The following AKAP19 variants were observed in gnomAD, a reference collection of about 807,000 sequenced individuals.
The protein encoded by AKAP19 is small A-kinase anchoring protein.
chr2:190,078,235 A>G, the AKAP19 span, among the ~76,000 whole-genome samples: 40 of 152,308 alleles, frequency 2.6e-4, no homozygotes, highest in African/African-American at 9.4e-4. Context: ...CCTCTAGGAC[A>G]GTTCTGTGCA....
At chr2:189,962,136 A>G in the AKAP19 span, among the ~76,000 whole-genome samples, 6 of 152,174 alleles carry the variant, frequency 3.9e-5, no homozygotes, top group Admixed American at 1.3e-4. Context: ...ATTATAATAC[A>G]TATTTTTACA....
At chr2:190,040,885 T>C in the AKAP19 span, among the ~76,000 whole-genome samples, 14 of 152,340 alleles carry the variant, frequency 9.2e-5, no homozygotes, top group African/African-American at 3.4e-4. Context: ...TCTATGCGTC[T>C]GTCTTTGAAC....
At chr2:190,143,579 T>G in the AKAP19 span, among the ~76,000 whole-genome samples, 2 of 152,238 alleles carry the variant, frequency 1.3e-5, no homozygotes, top group Non-Finnish European at 2.9e-5. Flanking sequence ...CTATCCATAT[T>G]ATTGTGTTCT....
the AKAP19 span, among the ~76,000 whole-genome samples, chr2:190,072,246 G>A: frequency 6.6e-6 from 1 of 151,994 alleles, no homozygotes; most frequent in African/African-American, 2.4e-5. Flanking sequence ...AATAGACACT[G>A]GGGAGCACTG....
the AKAP19 span, among the ~76,000 whole-genome samples, chr2:189,919,991 C>T: frequency 3.9e-5 from 6 of 152,174 alleles, no homozygotes; most frequent in Admixed American, 2.0e-4. Context: ...AATTTCACTA[C>T]ACCTACAATA....
chr2:190,071,876 A>G, the AKAP19 span, among the ~76,000 whole-genome samples: 1 of 152,176 alleles, frequency 6.6e-6, no homozygotes, highest in Admixed American at 6.5e-5. Flanking sequence ...TGGAGTCATG[A>G]TATTAGTCAC....
chr2:190,101,551 C>T, the AKAP19 span, among the ~76,000 whole-genome samples: 1 of 152,084 alleles, frequency 6.6e-6, no homozygotes, highest in Non-Finnish European at 1.5e-5. Context: ...TATGCTCAGG[C>T]AGATCACCAG....
the AKAP19 span, among the ~76,000 whole-genome samples, chr2:190,161,174 G>A: frequency 1.2e-4 from 18 of 152,158 alleles, no homozygotes; most frequent in South Asian, 2.7e-3. Context: ...ATTGCAGTAA[G>A]GTCTTTGTGC....
the AKAP19 span, among the ~76,000 whole-genome samples, chr2:189,973,689 AC>A: frequency 6.6e-6 from 1 of 152,142 alleles, no homozygotes; most frequent in Non-Finnish European, 1.5e-5. Flanking sequence ...CAGGGATTCA[AC>A]TTCTTCCTGG....
chr2:190,142,884 G>A, the AKAP19 span, among the ~76,000 whole-genome samples: 44 of 152,208 alleles, frequency 2.9e-4, no homozygotes, highest in Admixed American at 2.1e-3. Flanking sequence ...CCTCAAGAGA[G>A]TCACCCACAA....
chr2:189,965,490 C>T, the AKAP19 span, among the ~76,000 whole-genome samples: 1 of 151,934 alleles, frequency 6.6e-6, no homozygotes, highest in South Asian at 2.1e-4. Flanking sequence ...GGACCAAGTA[C>T]ATGAATAGAA....
the AKAP19 span, among the ~76,000 whole-genome samples, chr2:189,893,698 A>G: frequency 6.6e-6 from 1 of 152,112 alleles, no homozygotes; most frequent in African/African-American, 2.4e-5. Context: ...GCTTGCTTTT[A>G]TCTGTACAGC....
chr2:189,975,464 G>T, the AKAP19 span, among the ~76,000 whole-genome samples: 3 of 152,258 alleles, frequency 2.0e-5, no homozygotes, highest in East Asian at 5.8e-4. Flanking sequence ...GTGTCTTGGA[G>T]TTGCTCTTCT....
the AKAP19 span, among the ~76,000 whole-genome samples, chr2:189,974,607 G>A: frequency 6.6e-6 from 1 of 152,088 alleles, no homozygotes. Flanking sequence ...TTATTGTGTG[G>A]GAGTCTAAGT....
the AKAP19 span, among the ~76,000 whole-genome samples, chr2:189,960,715 C>G: frequency 1.3e-5 from 2 of 152,038 alleles, no homozygotes; most frequent in African/African-American, 4.8e-5. Flanking sequence ...CAGATGCAGC[C>G]TGCTTTCTTT....
chr2:190,140,741 T>A, the AKAP19 span, among the ~76,000 whole-genome samples: 1 of 152,156 alleles, frequency 6.6e-6, no homozygotes, highest in Non-Finnish European at 1.5e-5. Context: ...TGAAGGTCTC[T>A]GACATAGCCT....
chr2:190,161,789 T>C, the AKAP19 span, among the ~76,000 whole-genome samples: 1 of 151,950 alleles, frequency 6.6e-6, no homozygotes, highest in Non-Finnish European at 1.5e-5. Context: ...GTTGCATTCA[T>C]TTTTTTTCCC....
the AKAP19 span, among the ~76,000 whole-genome samples, chr2:189,896,548 T>C: frequency 6.6e-6 from 1 of 152,092 alleles, no homozygotes; most frequent in Non-Finnish European, 1.5e-5. Flanking sequence ...TTTTTCTGAA[T>C]TTGGTTGATC....
At chr2:190,019,629 T>C in the AKAP19 span, among the ~76,000 whole-genome samples, 2 of 152,016 alleles carry the variant, frequency 1.3e-5, no homozygotes, top group Non-Finnish European at 2.9e-5. Flanking sequence ...CTAGGTGATC[T>C]AGTCATGCCA....
Sources: gnomAD v4.1 joint callset for allele counts (sites outside exome capture counted in the v4.1 genomes callset) on GRCh38, gnomAD v4.1.1 for gene constraint, MANE v1.5 for transcripts, NCBI Gene and HGNC (gene_info 2026-07-23, HGNC 2026-07-21) for gene names.